MED13L: variants seen among roughly 807,000 people sequenced by gnomAD.
The protein encoded by MED13L is mediator of RNA polymerase II transcription subunit 13-like.
A neutral mutation model predicts 220.9 loss-of-function variants in MED13L; 7 were observed. The ratio of observed to expected loss-of-function variants is 0.03; its 90% CI spans 0.02 to 0.06. MED13L has a LOEUF of 0.06. MED13L is among the 10% of genes least tolerant of loss of function. MED13L has a pLI of 1.00. For missense variants in MED13L, 1,965 were observed against 2,760.5 expected, an observed-to-expected ratio of 0.71 and a Z score of 6.46; for synonymous variants, 1,011 against 1,015.2, an observed-to-expected ratio of 1.00 and a Z score of 0.08.
chr12:116,027,917 G>A (rs1021143748), intron 4 of MED13L, among the ~76,000 whole-genome samples: 7 of 152,140 alleles, frequency 4.6e-5, no homozygotes, highest in Non-Finnish European at 7.4e-5. Flanking sequence ...TATGTCAAAT[G>A]TCTTGATAAA....
intron 1 of MED13L, among the ~76,000 whole-genome samples, chr12:116,244,908 C>A (rs906006294): frequency 3.5e-4 from 53 of 152,286 alleles, no homozygotes; most frequent in African/African-American, 1.3e-3. Context: ...GCTGTGATCA[C>A]ACCACTGTAC....
chr12:116,206,480 A>G (rs536814442), intron 2 of MED13L, among the ~76,000 whole-genome samples: 1 of 152,322 alleles, frequency 6.6e-6, no homozygotes, highest in Admixed American at 6.5e-5. Context: ...TATTTACACC[A>G]ATACATTTAA....
At position 116,152,531 on chromosome 12, in the gene MED13L, C is replaced by T. The variant is rs149428761; in HGVS notation, c.311-41019G>A. 9.5e-3 allele frequency among the ~76,000 whole-genome samples: 1,441 copies of T among 152,192 alleles called. 89 individuals are homozygous for T. The highest frequency in any genetic ancestry group is 0.086 in the Admixed American group (1,314 of 15,280). On this transcript the variant is annotated intron_variant, in intron 2 of 30. Coordinates refer to ENST00000281928, the MANE Select transcript of MED13L (RefSeq NM_015335.5). ...CCTTGGGGGATTTCCTACTCCCTTG[C>T]GGCTTGCCACCTTCCCTGCACTGTC...
intron 4 of MED13L, among the ~76,000 whole-genome samples, chr12:116,067,155 A>G (rs1870006973): frequency 6.6e-6 from 1 of 152,200 alleles, no homozygotes; most frequent in Non-Finnish European, 1.5e-5. Context: ...AACAGAGAAT[A>G]TGAAATATGT....
At chr12:116,012,140 A>G (rs533301454) in intron 9 of MED13L, among the ~76,000 whole-genome samples, 1 of 152,328 alleles carries the variant, frequency 6.6e-6, no homozygotes, top group Non-Finnish European at 1.5e-5. Context: ...CTGTCAAATG[A>G]GCTGGGGGTT....
chr12:116,211,877 TTTCTAATAGCA>T (rs1481981103), intron 2 of MED13L, among the ~76,000 whole-genome samples: 1 of 152,210 alleles, frequency 6.6e-6, no homozygotes, highest in Admixed American at 6.5e-5. Context: ...TGGGTAGCAC[TTTCTAATAGCA>T]TTGTGACATA....
intron 4 of MED13L, among the ~76,000 whole-genome samples, chr12:116,094,718 C>G (rs1473477845): frequency 6.6e-6 from 1 of 152,158 alleles, no homozygotes; most frequent in African/African-American, 2.4e-5. Context: ...CCATGTTAGG[C>G]ATGGACAGAT....
At chr12:116,245,420 A>G (rs1304559290) in intron 1 of MED13L, among the ~76,000 whole-genome samples, 2 of 152,238 alleles carry the variant, frequency 1.3e-5, no homozygotes, top group Non-Finnish European at 2.9e-5. Flanking sequence ...GCAGATTCTT[A>G]GTCCACCATT....
chr12:116,070,394 G>C (rs112363610), intron 4 of MED13L, among the ~76,000 whole-genome samples: 4 of 152,272 alleles, frequency 2.6e-5, no homozygotes, highest in Non-Finnish European at 5.9e-5. Flanking sequence ...TATGAACTAG[G>C]TCAAGGCACT....
chr12:116,172,634 T>C (rs1300413270), intron 2 of MED13L, among the ~76,000 whole-genome samples: 2 of 152,196 alleles, frequency 1.3e-5, no homozygotes, highest in Non-Finnish European at 2.9e-5. Context: ...CAAAAAGTCC[T>C]ACAGTTCTAG....
chr12:115,962,514 CAA>C (rs1363322010), intron 30 of MED13L: 2 of 152,148 alleles, frequency 1.3e-5, no homozygotes, highest in African/African-American at 4.8e-5. Flanking sequence ...GCCTGGAAGC[CAA>C]ATTTATGTTG....
chr12:116,137,462 C>T (rs1355110213), intron 2 of MED13L, among the ~76,000 whole-genome samples: 2 of 152,082 alleles, frequency 1.3e-5, no homozygotes, highest in African/African-American at 4.8e-5. Context: ...AAACAGAAAA[C>T]TCTGGTCTGC....
chr12:116,171,758 C>G (rs893501052), intron 2 of MED13L, among the ~76,000 whole-genome samples: 1 of 152,142 alleles, frequency 6.6e-6, no homozygotes, highest in African/African-American at 2.4e-5. Context: ...AGTCACATAC[C>G]AAAACATCCA....
At chr12:116,129,755 A>G (rs139966096) in intron 2 of MED13L, among the ~76,000 whole-genome samples, 7,309 of 152,204 alleles carry the variant, frequency 0.048, 245 homozygotes, top group Non-Finnish European at 0.077. Context: ...CTAAAAATAC[A>G]AAAATTAGCT....
chr12:116,272,358 C>T (rs1303264516), intron 1 of MED13L, among the ~76,000 whole-genome samples: 4 of 151,938 alleles, frequency 2.6e-5, no homozygotes, highest in African/African-American at 9.7e-5. Context: ...GTCAGGAGTT[C>T]CAGAGCAGCC....
At position 116,277,654 on chromosome 12, in the gene MED13L, C is replaced by A. The variant is rs1369279578; in HGVS notation, c.-523G>T. ...CCCCCCTCCTCCCCAGTCAGCCTCG[C>A]TTCTCCTCCCTCCCCGGGCTCGCTT... is the stretch of plus-strand genomic sequence containing the variant. On this transcript the variant is annotated 5_prime_UTR_variant, in exon 1 of 31. Transcript: ENST00000281928. Among the ~76,000 whole-genome samples, 1 of 149,672 alleles carries A rather than the reference C, an allele frequency of 6.7e-6. No individual in the cohort carries two copies. Among genetic ancestry groups the A allele is most frequent in the Non-Finnish European group, 1.5e-5 (1 of 67,038 alleles).
At chr12:116,250,776 CAA>C (rs772459455) in intron 1 of MED13L, among the ~76,000 whole-genome samples, 14,409 of 76,106 alleles carry the variant, frequency 0.19, 540 homozygotes, top group South Asian at 0.26. Context: ...GACTCCTCCT[CAA>C]AAAAAAAAAA....
chr12:116,126,974 T>C (rs1462573168), intron 2 of MED13L, among the ~76,000 whole-genome samples: 2 of 152,190 alleles, frequency 1.3e-5, no homozygotes, highest in African/African-American at 4.8e-5. Flanking sequence ...CCATTCAGAA[T>C]AGATTTTTCA....
At chr12:115,998,811 C>T (rs942032911) in intron 14 of MED13L, among the ~76,000 whole-genome samples, 2 of 152,048 alleles carry the variant, frequency 1.3e-5, no homozygotes, top group African/African-American at 2.4e-5. Context: ...TTTCCATTAG[C>T]GATGCTCCAC....
Sources: gnomAD v4.1 joint callset for allele counts (sites outside exome capture counted in the v4.1 genomes callset) on GRCh38, gnomAD v4.1.1 for gene constraint, MANE v1.5 for transcripts, NCBI Gene and HGNC (gene_info 2026-07-23, HGNC 2026-07-21) for gene names.